QTGAL: variants seen among roughly 807,000 people sequenced by gnomAD.
QTGAL encodes the protein queuosine-tRNA galactosyltransferase.
At chr17:82,967,382 G>A in the QTGAL span, among the ~76,000 whole-genome samples, 13 of 152,250 alleles carry the variant, frequency 8.5e-5, no homozygotes, top group Admixed American at 5.9e-4. Context: ...ACACAGCCTC[G>A]TCTCACTGTG....
At chr17:82,970,153 G>A in the QTGAL span, among the ~76,000 whole-genome samples, 1 of 152,180 alleles carries the variant, frequency 6.6e-6, no homozygotes, top group African/African-American at 2.4e-5. Flanking sequence ...GGTGCCCCCT[G>A]GGACATCAGG....
At chr17:82,989,299 A>C in the QTGAL span, among the ~76,000 whole-genome samples, 2 of 151,874 alleles carry the variant, frequency 1.3e-5, no homozygotes, top group Non-Finnish European at 2.9e-5. Flanking sequence ...GAACAATGAG[A>C]ACATATGGAC....
chr17:82,970,646 G>GC, the QTGAL span, among the ~76,000 whole-genome samples: 348 of 41,280 alleles, frequency 8.4e-3, 62 homozygotes, highest in East Asian at 0.017. Flanking sequence ...CTCCGCACCC[G>GC]GTGTGGCCGC....
At chr17:82,984,760 G>A in the QTGAL span, among the ~76,000 whole-genome samples, 9 of 152,252 alleles carry the variant, frequency 5.9e-5, no homozygotes, top group Non-Finnish European at 8.8e-5. Flanking sequence ...GAGCTGGGAC[G>A]GCGGGGAAGC....
chr17:82,947,998 C>G, the QTGAL span: 1 of 152,202 alleles, frequency 6.6e-6, no homozygotes, highest in Non-Finnish European at 1.5e-5. Context: ...GCAACATGTT[C>G]CATTAGGAGA....
At chr17:83,033,958 T>A in the QTGAL span, among the ~76,000 whole-genome samples, 4 of 152,082 alleles carry the variant, frequency 2.6e-5, no homozygotes, top group Non-Finnish European at 5.9e-5. Flanking sequence ...GTTTGTTTTT[T>A]GAGACAGAGT....
the QTGAL span, among the ~76,000 whole-genome samples, chr17:82,972,746 A>T: frequency 2.2e-5 from 3 of 133,462 alleles, no homozygotes; most frequent in South Asian, 2.4e-4. Context: ...CACAGGGGAT[A>T]GAAGGACCCA....
chr17:83,036,377 G>A, the QTGAL span, among the ~76,000 whole-genome samples: 1 of 152,218 alleles, frequency 6.6e-6, no homozygotes, highest in African/African-American at 2.4e-5. Flanking sequence ...GTGACCAGAG[G>A]GGCCTGAGGG....
At chr17:83,047,816 G>C in the QTGAL span, among the ~76,000 whole-genome samples, 1 of 129,372 alleles carries the variant, frequency 7.7e-6, no homozygotes, top group Non-Finnish European at 1.7e-5. Context: ...AGAAACTTAG[G>C]TCTATAATAA....
At chr17:82,973,556 C>T in the QTGAL span, among the ~76,000 whole-genome samples, 1 of 152,106 alleles carries the variant, frequency 6.6e-6, no homozygotes, top group South Asian at 2.1e-4. Context: ...TCTCACCTGG[C>T]ACCTGGTCCT....
At chr17:82,978,714 G>A in the QTGAL span, 4 of 151,914 alleles carry the variant, frequency 2.6e-5, no homozygotes, top group African/African-American at 9.7e-5. The surrounding 1 kb of genome is among the most constrained non-coding windows in gnomAD (Gnocchi z 4.8). Flanking sequence ...TGCTATGTTG[G>A]ACCAGTTGAA....
chr17:82,955,762 T>C, the QTGAL span, among the ~76,000 whole-genome samples: 5 of 152,154 alleles, frequency 3.3e-5, no homozygotes, highest in South Asian at 1.0e-3. Context: ...TGCCCATCAA[T>C]GATACACGGG....
chr17:82,944,889 T>C, the QTGAL span: 3 of 152,144 alleles, frequency 2.0e-5, no homozygotes, highest in African/African-American at 7.2e-5. Context: ...GGACCCTAAA[T>C]AAGTCTTTTT....
chr17:82,982,716 A>G, the QTGAL span, among the ~76,000 whole-genome samples: 102,884 of 151,994 alleles, frequency 0.68, 35,015 homozygotes, highest in East Asian at 0.81. Context: ...ACAGACTAGG[A>G]CAGGTCAGGA....
chr17:82,963,312 C>T, the QTGAL span, among the ~76,000 whole-genome samples: 2,131 of 152,322 alleles, frequency 0.014, 31 homozygotes, highest in Middle Eastern at 0.068. Context: ...CAGCGCCACC[C>T]GCCCTTCTCT....
At chr17:83,032,276 C>T in the QTGAL span, among the ~76,000 whole-genome samples, 7 of 96,640 alleles carry the variant, frequency 7.2e-5, 1 homozygote, top group Non-Finnish European at 1.2e-4. Context: ...CGACCCAGAC[C>T]GAGCTCGGGA....
At chr17:83,005,786 C>T in the QTGAL span, 7 of 1,006,888 alleles carry the variant, frequency 7.0e-6, no homozygotes, top group Non-Finnish European at 8.6e-6. This position sits in a 1 kb window ranked among gnomAD's most constrained non-coding sequence, Gnocchi z 5.6. Flanking sequence ...TAGCCTTGAC[C>T]CCCTCCCGGG....
chr17:83,026,718 A>AGC, the QTGAL span, among the ~76,000 whole-genome samples: 1 of 124,300 alleles, frequency 8.0e-6, no homozygotes, highest in Non-Finnish European at 1.7e-5. Flanking sequence ...AGACACGCAG[A>AGC]GGAGGGCAGG....
chr17:82,977,962 T>A, the QTGAL span, among the ~76,000 whole-genome samples: 1 of 152,088 alleles, frequency 6.6e-6, no homozygotes, highest in Non-Finnish European at 1.5e-5. Context: ...TTTCCCAAGC[T>A]CCTCCTGCCC....
Sources: allele counts gnomAD v4.1 joint callset (sites outside exome capture counted in the v4.1 genomes callset), GRCh38; gene constraint gnomAD v4.1.1; non-coding constraint Gnocchi (gnomAD v3.1); transcripts MANE v1.5; gene names NCBI Gene and HGNC (gene_info 2026-07-23, HGNC 2026-07-21).